The following TBCE variants were observed in gnomAD, a reference collection of about 807,000 sequenced individuals.
TBCE encodes tubulin-specific chaperone E.
TBCE carries 53 observed loss-of-function variants against 77.0 expected under a neutral mutation model. The ratio of observed to expected loss-of-function variants is 0.69; its 90% confidence interval spans 0.55 to 0.87. The LOEUF is 0.87. Among genes scored for constraint, TBCE ranks in the 40% least tolerant of loss-of-function variants. The pLI is 0.00. For synonymous variants in TBCE, 235 were observed against 241.3 expected (o/e 0.97, Z 0.24); for missense variants, 624 against 622.4 (o/e 1.00, Z -0.03).
At chr1:235,434,356 C>A in intron 8 of TBCE, 76 bp downstream of exon 8, 2 of 1,289,174 alleles carry the variant, frequency 1.6e-6, no homozygotes, top group Non-Finnish European at 2.3e-6. Context: ...TCAATTATAT[C>A]TAACCTTAAT....
intron 1 of TBCE, among the ~76,000 whole-genome samples, chr1:235,373,083 C>T (rs1163470054): frequency 1.3e-5 from 2 of 151,940 alleles, no homozygotes; most frequent in African/African-American, 4.8e-5. Context: ...CCTGTAATCC[C>T]AGCACTTTGG....
chr1:235,409,335 A>G (rs1679642046), intron 3 of TBCE, among the ~76,000 whole-genome samples: 2 of 152,128 alleles, frequency 1.3e-5, no homozygotes, highest in Admixed American at 1.3e-4. Flanking sequence ...CTCCTCACCA[A>G]CATTTTTCTC....
intron 3 of TBCE, among the ~76,000 whole-genome samples, chr1:235,411,995 T>C (rs1267690663): frequency 6.7e-6 from 1 of 149,562 alleles, no homozygotes; most frequent in Non-Finnish European, 1.5e-5. Context: ...CTGGATTCAG[T>C]GGCAAGGCCT....
At chr1:235,433,255 C>A in intron 7 of TBCE, 1 of 1,111,608 alleles carries the variant, frequency 9.0e-7, no homozygotes, top group Non-Finnish European at 1.2e-6. Context: ...GAGTCTTGCT[C>A]TGTTGCCTAG....
rs117597511 is a variant in TBCE, at chr1:235,439,805, C to A, written c.1270+883C>A. Reference sequence around the variant, plus strand: ...GCGTAGCAGGAAAGCATTTCTTTTTCTTTTTTTTTCTTTTGAGACAGAGTC... The same window carrying A: ...GCGTAGCAGGAAAGCATTTCTTTTTATTTTTTTTTCTTTTGAGACAGAGTC... On this transcript the variant is annotated intron_variant, in intron 13 of 16. Transcript: ENST00000642610. Among the ~76,000 whole-genome samples the A allele has an allele frequency of 2.1e-3, 312 of 150,320 alleles. 7 individuals carry two copies. The East Asian group carries it at 0.037, about 18-fold the overall frequency.
intron 2 of TBCE, among the ~76,000 whole-genome samples, chr1:235,387,842 G>T (rs899474076): frequency 3.3e-5 from 5 of 152,166 alleles, no homozygotes; most frequent in Admixed American, 1.3e-4. Context: ...TTCAGGGCCA[G>T]TCTGTAAAGT....
intron 7 of TBCE, among the ~76,000 whole-genome samples, chr1:235,432,299 C>T (rs1681152994): frequency 6.6e-6 from 1 of 152,196 alleles, no homozygotes; most frequent in African/African-American, 2.4e-5. Flanking sequence ...ATTCCACTTT[C>T]AAACCAAGGG....
At chr1:235,416,356 AT>A (rs1235532589) in intron 4 of TBCE, among the ~76,000 whole-genome samples, 3 of 152,046 alleles carry the variant, frequency 2.0e-5, no homozygotes, top group Middle Eastern at 3.4e-3. Flanking sequence ...TACAAAAAAA[AT>A]AAATAAATAA....
intron 14 of TBCE, among the ~76,000 whole-genome samples, chr1:235,442,204 CTT>C (rs1681936361): frequency 6.6e-6 from 1 of 151,860 alleles, no homozygotes; most frequent in African/African-American, 2.4e-5. Context: ...GAGTTTTGCT[CTT>C]GTTGCCCAGA....
At chr1:235,405,684 AAGTAT>A (rs1679385487) in intron 3 of TBCE, among the ~76,000 whole-genome samples, 1 of 152,156 alleles carries the variant, frequency 6.6e-6, no homozygotes, top group Non-Finnish European at 1.5e-5. Flanking sequence ...TAATGATAAA[AAGTAT>A]AGTATAGTGA....
At chr1:235,415,456 G>A (rs1680057405) in intron 4 of TBCE, 1 of 144,292 alleles carries the variant, frequency 6.9e-6, no homozygotes, top group African/African-American at 2.4e-5. Flanking sequence ...AACTGGCCAG[G>A]CCTTGCAGCT....
chr1:235,443,185 C>CATATAT (rs1553340612), intron 15 of TBCE, among the ~76,000 whole-genome samples: 42 of 139,826 alleles, frequency 3.0e-4, no homozygotes, highest in African/African-American at 6.7e-4. Flanking sequence ...CACACACACA[C>CATATAT]ATATATATAT....
chr1:235,424,476 C>T (rs575745773), intron 5 of TBCE, among the ~76,000 whole-genome samples: 1 of 151,786 alleles, frequency 6.6e-6, no homozygotes, highest in East Asian at 1.9e-4. Flanking sequence ...AGATACGTGC[C>T]ACCACGCTTG....
chr1:235,395,444 T>G (rs1393752644), intron 2 of TBCE, among the ~76,000 whole-genome samples: 1 of 152,008 alleles, frequency 6.6e-6, no homozygotes, highest in East Asian at 1.9e-4. Flanking sequence ...AAACACTAGA[T>G]CTTATTTATG....
chr1:235,377,345 AT>A lies in TBCE; in HGVS notation c.-31-2667del, dbSNP rs771545594. ...CAGGCGCGCACTACATGCCCAACTA[AT>A]TTTTTTGTATTTTTAGTAGAGACAG... On this transcript the variant is annotated intron_variant, in intron 1 of 16. Transcript: ENST00000642610. 1.1e-3 allele frequency among the ~76,000 whole-genome samples: 169 copies of A among 152,044 alleles called. 2 individuals are homozygous for A. The highest frequency in any genetic ancestry group is 2.1e-3 in the Non-Finnish European group (143 of 67,960).
chr1:235,410,381 C>T lies in TBCE; in HGVS notation c.186-4052C>T, dbSNP rs975411565. Among the ~76,000 whole-genome samples, 3 of 152,132 alleles carry T rather than the reference C, an allele frequency of 2.0e-5. No individual in the cohort carries two copies. In the East Asian group the frequency reaches 5.8e-4, roughly 29 times the overall value. On this transcript the variant is annotated intron_variant, in intron 3 of 16. Coordinates refer to ENST00000642610, the MANE Select transcript of TBCE (RefSeq NM_003193.5). ...AAGGGGTGGATTATTCATGCCTCCCCTTTTAAGACCATGTAGGGTAATTTC... is the reference window on the plus strand; with the variant it reads ...AAGGGGTGGATTATTCATGCCTCCCTTTTTAAGACCATGTAGGGTAATTTC...
chr1:235,389,949 C>T (rs368682296), intron 2 of TBCE, among the ~76,000 whole-genome samples: 2 of 151,844 alleles, frequency 1.3e-5, no homozygotes, highest in East Asian at 3.9e-4. Context: ...ATGTTGAAAC[C>T]CTGTCTCTAC....
intron 2 of TBCE, among the ~76,000 whole-genome samples, chr1:235,383,756 C>T (rs1266765450): frequency 6.6e-6 from 1 of 152,192 alleles, no homozygotes; most frequent in East Asian, 1.9e-4. Flanking sequence ...ATCATGTCAT[C>T]TGCAAATAGG....
chr1:235,381,726 T>C (rs1012010765), intron 2 of TBCE, among the ~76,000 whole-genome samples: 4 of 150,826 alleles, frequency 2.7e-5, no homozygotes, highest in Admixed American at 2.6e-4. Flanking sequence ...TGATTTGCTT[T>C]ATTGTAATTG....
Sources: gnomAD v4.1 joint callset for allele counts (sites outside exome capture counted in the v4.1 genomes callset) on GRCh38, gnomAD v4.1.1 for gene constraint, MANE v1.5 for transcripts, NCBI Gene and HGNC (gene_info 2026-07-23, HGNC 2026-07-21) for gene names.